The following ASIC4 variants were observed in gnomAD, a reference collection of about 807,000 sequenced individuals.
ASIC4 encodes the protein acid-sensing ion channel 4.
ASIC4 carries 28 observed loss-of-function variants against 53.4 expected under a neutral mutation model. The ratio of observed to expected loss-of-function variants is 0.52; its 90% CI spans 0.39 to 0.72. The LOEUF is 0.72. Ranked by LOEUF, ASIC4 falls within the 30% of genes least tolerant of loss-of-function variation. ASIC4 has a pLI of 0.00. For missense variants in ASIC4, 649 were observed against 729.7 expected, an observed-to-expected ratio of 0.89 and a Z score of 1.27; for synonymous variants, 289 against 301.4, an observed-to-expected ratio of 0.96 and a Z score of 0.43.
At chr2:219,521,720 TCTGAGTTATAAGTTATAAGTATTC>T (rs71403085) in intron 1 of ASIC4, among the ~76,000 whole-genome samples, 2 of 42,206 alleles carry the variant, frequency 4.7e-5, no homozygotes, top group Non-Finnish European at 8.8e-5. Flanking sequence ...TCAGGCTGCC[TCTGAGTTATAAGTTATAAGTATTC>T]CTGAGTTATA....
At chr2:219,509,282 G>A (rs1479309524), upstream of ASIC4, among the ~76,000 whole-genome samples, 2 of 152,066 alleles carry the variant, frequency 1.3e-5, no homozygotes, top group East Asian at 1.9e-4. The surrounding 1 kb of genome is among the most constrained non-coding windows in gnomAD (Gnocchi z 5.2). Context: ...GCATCCGCAC[G>A]GAGCACAGCT....
upstream of ASIC4, chr2:219,514,168 G>A: frequency 1.3e-6 from 1 of 756,944 alleles, no homozygotes; most frequent in Non-Finnish European, 2.0e-6. Context: ...GGAGATCTGG[G>A]GACCCAGTGA....
intron 5 of ASIC4, chr2:219,533,391 C>T (rs1695075892): frequency 4.5e-6 from 1 of 220,162 alleles, no homozygotes; most frequent in African/African-American, 2.2e-5. Flanking sequence ...CCTTTACAGC[C>T]TGTGCTGGGT....
At chr2:219,532,817 C>A in intron 4 of ASIC4, 66 bp from the exon 5 acceptor site, 1 of 1,467,108 alleles carries the variant, frequency 6.8e-7, no homozygotes. Context: ...TATGTGCTTA[C>A]ATTTGGGCGT....
At chr2:219,515,577 T>A (rs1252512692) in intron 1 of ASIC4, among the ~76,000 whole-genome samples, 2 of 152,208 alleles carry the variant, frequency 1.3e-5, no homozygotes, top group Non-Finnish European at 1.5e-5. Context: ...GGAGTTGGGG[T>A]GGGGGTTCCT....
chr2:219,508,666 C>T, the ASIC4 span, among the ~76,000 whole-genome samples: 1 of 152,110 alleles, frequency 6.6e-6, no homozygotes, highest in Non-Finnish European at 1.5e-5. Flanking sequence ...GCACCTGCCC[C>T]TGGACGGGGT....
upstream of ASIC4, among the ~76,000 whole-genome samples, chr2:219,512,614 CAG>C (rs150196252): frequency 7.0e-3 from 1,063 of 152,262 alleles, 13 homozygotes; most frequent in African/African-American, 0.024. Context: ...GGGCATGGGA[CAG>C]AGAGAGGGGG....
chr2:219,510,980 C>A (rs1395371088), upstream of ASIC4, among the ~76,000 whole-genome samples: 1 of 152,142 alleles, frequency 6.6e-6, no homozygotes, highest in Non-Finnish European at 1.5e-5. The surrounding 1 kb of genome is among the most constrained non-coding windows in gnomAD (Gnocchi z 5.2). Flanking sequence ...TGCTCACCAG[C>A]CAGGCCTGGA....
chr2:219,507,445 G>A, the ASIC4 span, among the ~76,000 whole-genome samples: 9 of 152,230 alleles, frequency 5.9e-5, no homozygotes, highest in Non-Finnish European at 1.3e-4. Flanking sequence ...TTTTGGCAGG[G>A]TGGGGGTTTT....
rs1020397954 is a variant in ASIC4, at chr2:219,537,911, C to A, written c.1507-22C>A. Reference sequence around the variant, plus strand: ...CCACTTGAGCTCTCCCGGTCCCACTCTCTCTTTTCTTTCTCCTGCAGAGTC... The same window carrying A: ...CCACTTGAGCTCTCCCGGTCCCACTATCTCTTTTCTTTCTCCTGCAGAGTC... On this transcript the variant is annotated intron_variant, in intron 9 of 9. Coordinates refer to ENST00000358078, the MANE Select transcript of ASIC4 (RefSeq NM_018674.6). The surrounding 1 kb of genome is among the most constrained non-coding windows in gnomAD (Gnocchi z 4.9). 2.5e-6 allele frequency: 4 copies of A among 1,576,422 alleles called. No homozygotes were observed. The African/African-American group carries it at 4.0e-5, about 16-fold the overall frequency.
Position 219,516,671 on chromosome 2 carries a change from G to A in ASIC4, c.582+1365G>A, listed in dbSNP as rs1574486887. On this transcript the variant is annotated intron_variant, in intron 1 of 9. Coordinates refer to ENST00000358078, the MANE Select transcript of ASIC4 (RefSeq NM_018674.6). This position sits in a 1 kb window ranked among gnomAD's most constrained non-coding sequence, Gnocchi z 4.9. ...CTCCAGCAGCCAGCCCCAGTGATAG[G>A]GACCCCCGCCAGGTTCTCACTCACC... The A allele has an allele frequency of 6.6e-6, 1 of 152,526 alleles. No individual in the cohort carries two copies. Among genetic ancestry groups the A allele is most frequent in the East Asian group, 1.9e-4 (1 of 5,192 alleles). 9.4% of individuals were successfully genotyped at this position (152,526 alleles called of 1,614,324 possible).
rs749821638 is a variant in ASIC4 at position 219,514,767 on chromosome 2, G to A, written c.43G>A (p.Asp15Asn). ...GTGCAAAATCAAATTTGCTGAGGAG[G>A]ATGCGAAACCCAAGGAGAAGGAGGC... ...IVCKIKFAEE[D>N]AKPKEKEAGD... The change falls in exon 1 of 10, where the codon GAT becomes AAT. Residue 15 changes from aspartate (D) to asparagine (N), a missense_variant. By Grantham distance (23) the Asp-to-Asn change is conservative (BLOSUM62 1). Coordinates refer to ENST00000358078, the MANE Select transcript of ASIC4 (RefSeq NM_018674.6). 1.4e-5 allele frequency: 23 copies of A among 1,613,594 alleles called. No individual in the cohort carries two copies. The Admixed American group carries it at 1.5e-4, about 11-fold the overall frequency.
chr2:219,521,888 A>AT (rs1051756450), intron 1 of ASIC4, among the ~76,000 whole-genome samples: 18 of 152,198 alleles, frequency 1.2e-4, no homozygotes, highest in Admixed American at 7.8e-4. Flanking sequence ...TTGTTTTTTA[A>AT]TTTTTTTGCA....
chr2:219,530,214 T>C (rs369579055), intron 1 of ASIC4, among the ~76,000 whole-genome samples: 7 of 152,146 alleles, frequency 4.6e-5, no homozygotes, highest in African/African-American at 1.7e-4. Flanking sequence ...TCGGCTCTGT[T>C]AGGGAAGCCT....
rs751182298 is a variant in ASIC4 at position 219,514,584 on chromosome 2, C to T, written c.-141C>T. On this transcript the variant is annotated 5_prime_UTR_variant, in exon 1 of 10. Transcript: ENST00000358078. ...TGACTCCCCCACCTCGGGCCCCCAC[C>T]CTGTCCCTGTCCTCTTCCCGCTTGC... The T allele has an allele frequency of 1.4e-5, 23 of 1,586,500 alleles. No homozygotes were observed. In the African/African-American group the frequency reaches 3.1e-4, roughly 21 times the overall value.
chr2:219,536,880 C>T lies in ASIC4; in HGVS notation c.1230-186C>T, dbSNP rs965559044. Among the ~76,000 whole-genome samples, 23 of 152,162 alleles carry T rather than the reference C, an allele frequency of 1.5e-4. No homozygotes were observed. The highest frequency in any genetic ancestry group is 1.4e-3 in the Admixed American group (21 of 15,278). ...TTTGCTCTCCCAGGCCCTTTGCTACCCCTCAAAAGATGAAGCTAACACACA... is the reference window on the plus strand; with the variant it reads ...TTTGCTCTCCCAGGCCCTTTGCTACTCCTCAAAAGATGAAGCTAACACACA... On this transcript the variant is annotated intron_variant, in intron 6 of 9. Coordinates refer to ENST00000358078, the MANE Select transcript of ASIC4 (RefSeq NM_018674.6). This position sits in a 1 kb window ranked among gnomAD's most constrained non-coding sequence, Gnocchi z 4.6.
Position 219,538,134 on chromosome 2 carries a change from GGCGGTGCTCACTGGGA to G in ASIC4, c.*90_*105del. ...CTCCTGCTCCTGGGAGAGGCCTGGGGGCGGTGCTCACTGGGAGGGCCAGGACTCAGTTCCTGCTCTC... is the reference window on the plus strand; with the variant it reads ...CTCCTGCTCCTGGGAGAGGCCTGGGGGGGCCAGGACTCAGTTCCTGCTCTC... On this transcript the variant is annotated 3_prime_UTR_variant, in exon 10 of 10. Coordinates refer to ENST00000358078, the MANE Select transcript of ASIC4 (RefSeq NM_018674.6). The G allele has an allele frequency of 1.7e-6, 2 of 1,171,878 alleles. No individual in the cohort carries two copies. The highest frequency in any genetic ancestry group is 2.5e-6 in the Non-Finnish European group (2 of 803,476). 72.6% of individuals were successfully genotyped at this position (1,171,878 alleles called of 1,614,324 possible). A position where few individuals can be genotyped will look rare whatever the true frequency, so the allele number is the denominator to read the frequency against.
In ASIC4 at chr2:219,537,491, G is replaced by T. The variant is rs1005483202; in HGVS notation, c.1402-141G>T. On this transcript the variant is annotated intron_variant, in intron 8 of 9. Coordinates refer to ENST00000358078, the MANE Select transcript of ASIC4 (RefSeq NM_018674.6). The surrounding 1 kb of genome is among the most constrained non-coding windows in gnomAD (Gnocchi z 4.9). ...TGAGGGCTCAGAGTCAGGAGAAGGG[G>T]ATGGGTGAGGAGGAGGAGGGTGTCC... The T allele has an allele frequency of 1.9e-6, 2 of 1,034,112 alleles. No individual in the cohort carries two copies. The highest frequency in any genetic ancestry group is 2.9e-6 in the Non-Finnish European group (2 of 699,992). 64.1% of individuals were successfully genotyped at this position (1,034,112 alleles called of 1,614,324 possible).
rs148622543 is a variant in ASIC4 at position 219,537,655 on chromosome 2, G to T, written c.1425G>T (p.Arg475=). Residue 475 remains arginine, a synonymous_variant, in exon 9 of 10, where the codon CGG becomes CGT. Transcript: ENST00000358078. The surrounding 1 kb of genome is among the most constrained non-coding windows in gnomAD (Gnocchi z 4.9). ...IYEVSWDRLK[R]VWRRPKTPLR... ...AGGTGTCCTGGGATCGACTGAAGCGGGTATGGAGGCGTCCCAAGACCCCCC... is the reference window on the plus strand; with the variant it reads ...AGGTGTCCTGGGATCGACTGAAGCGTGTATGGAGGCGTCCCAAGACCCCCC... 7.4e-4 allele frequency: 1,189 copies of T among 1,613,826 alleles called. 4 individuals carry two copies. In the African/African-American group the frequency reaches 0.014, roughly 19 times the overall value.
Sources: gnomAD v4.1 joint callset for allele counts (sites outside exome capture counted in the v4.1 genomes callset) on GRCh38, gnomAD v4.1.1 for gene constraint, Gnocchi (gnomAD v3.1) non-coding constraint, MANE v1.5 for transcripts, NCBI Gene and HGNC (gene_info 2026-07-23, HGNC 2026-07-21) for gene names.